PDS5B: variants seen among roughly 807,000 people sequenced by gnomAD.
PDS5B encodes PDS5 cohesin associated factor B.
Under a neutral mutation model 184.1 loss-of-function variants are expected in PDS5B, and 51 were observed. The ratio of observed to expected loss-of-function variants is 0.28; its 90% CI spans 0.22 to 0.35. The LOEUF is 0.35. Ranked by LOEUF, PDS5B falls within the 10% of genes least tolerant of loss-of-function variation. The pLI is 1.00. For synonymous variants in PDS5B, 566 were observed against 569.2 expected (o/e 0.99, Z 0.08); for missense variants, 1,180 against 1,723.3 (o/e 0.68, Z 5.58).
chr13:32,696,577 G>A (rs1332034420), intron 14 of PDS5B, among the ~76,000 whole-genome samples: 9 of 151,364 alleles, frequency 5.9e-5, no homozygotes, highest in Admixed American at 1.3e-4. Flanking sequence ...CCCAAAATAC[G>A]TACCTGTTAC....
chr13:32,701,539 G>GA, intron 17 of PDS5B, 101 bp downstream of exon 17: 2 of 658,302 alleles, frequency 3.0e-6, no homozygotes, highest in Non-Finnish European at 5.4e-6. Flanking sequence ...CTACACATCT[G>GA]TGTGTATTGT....
intron 1 of PDS5B, among the ~76,000 whole-genome samples, chr13:32,608,097 ATGCAGAAATCACCCG>A (rs1414126800): frequency 6.6e-6 from 1 of 152,188 alleles, no homozygotes; most frequent in Non-Finnish European, 1.5e-5. Flanking sequence ...TCAGTTGGAA[ATGCAGAAATCACCCG>A]TGTTCTGCGT....
chr13:32,646,367 GTGTTTTTTTTT>G (rs904210894), intron 1 of PDS5B, among the ~76,000 whole-genome samples: 5 of 34,674 alleles, frequency 1.4e-4, no homozygotes, highest in African/African-American at 5.1e-4. Context: ...TCTCATGGCT[GTGTTTTTTTTT>G]TTTTTTTTTT....
intron 5 of PDS5B, among the ~76,000 whole-genome samples, chr13:32,658,760 G>T (rs1035653842): frequency 6.6e-6 from 1 of 152,044 alleles, no homozygotes; most frequent in Non-Finnish European, 1.5e-5. Flanking sequence ...TTTTTGGATT[G>T]CATTATTTGT....
At chr13:32,729,543 A>G (rs1451080139) in intron 19 of PDS5B, among the ~76,000 whole-genome samples, 1 of 152,202 alleles carries the variant, frequency 6.6e-6, no homozygotes, top group African/African-American at 2.4e-5. Context: ...CAATGGTTGA[A>G]TTAATTTATG....
At chr13:32,592,291 G>T (rs1224070982) in intron 1 of PDS5B, among the ~76,000 whole-genome samples, 1 of 152,050 alleles carries the variant, frequency 6.6e-6, no homozygotes. Context: ...TTTCGCACTT[G>T]TTGCACAGGC....
At chr13:32,635,908 A>G (rs572326025) in intron 1 of PDS5B, among the ~76,000 whole-genome samples, 2 of 151,426 alleles carry the variant, frequency 1.3e-5, no homozygotes, top group South Asian at 4.2e-4. Context: ...AGCTGGGACT[A>G]CAAGTGCCCG....
intron 6 of PDS5B, among the ~76,000 whole-genome samples, chr13:32,662,880 CTATG>C (rs1177070496): frequency 6.6e-6 from 1 of 151,976 alleles, no homozygotes; most frequent in Non-Finnish European, 1.5e-5. Context: ...GAAATGGTGT[CTATG>C]TACAGTTTTA....
At chr13:32,669,697 A>T (rs1269026367) in intron 7 of PDS5B, among the ~76,000 whole-genome samples, 1 of 152,168 alleles carries the variant, frequency 6.6e-6, no homozygotes, top group East Asian at 1.9e-4. Flanking sequence ...TTATGTCTTT[A>T]TCAAAAGCTG....
intron 33 of PDS5B, 68 bp downstream of exon 33, chr13:32,770,829 C>A (rs1954760436): frequency 1.8e-6 from 2 of 1,119,472 alleles, no homozygotes; most frequent in Admixed American, 2.0e-5. Context: ...AATTTGTAAA[C>A]ATACATATTG....
chr13:32,658,189 T>C (rs1201312556), intron 3 of PDS5B, 50 bp from the exon 4 acceptor site: 2 of 841,084 alleles, frequency 2.4e-6, no homozygotes, highest in African/African-American at 3.4e-5. Context: ...CATGGTTATT[T>C]TCATTTAGCG....
At chr13:32,673,924 T>C (rs1951000971) in intron 8 of PDS5B, among the ~76,000 whole-genome samples, 1 of 150,850 alleles carries the variant, frequency 6.6e-6, no homozygotes, top group African/African-American at 2.4e-5. Context: ...CAAGCTACTC[T>C]TCCACCTCAG....
chr13:32,659,244 G>T lies in PDS5B; in HGVS notation c.588G>T (p.Leu196Phe). The T allele has an allele frequency of 6.3e-7, 1 of 1,594,844 alleles. No individual in the cohort carries two copies. The highest frequency in any genetic ancestry group is 1.1e-5 in the South Asian group (1 of 87,378). Residue 196 changes from leucine (L) to phenylalanine (F), a missense_variant, in exon 6 of 35, where the codon TTG becomes TTT. Physicochemically the swap from Leu to Phe is conservative, Grantham distance 22. This residue lies in a region of PDS5B where 79 missense variants were observed against 124.6 expected (regional missense o/e 0.63). Coordinates refer to ENST00000315596, the MANE Select transcript of PDS5B (RefSeq NM_015032.4). ...GTGATACAGTGTCTCAGGAGCTTTT[G>T]GATACGGTTTTAGTAAATCTGGTAC... ...CEGDTVSQEL[L>F]DTVLVNLVPA...
At chr13:32,711,573 G>T (rs191639349) in intron 19 of PDS5B, among the ~76,000 whole-genome samples, 7 of 151,822 alleles carry the variant, frequency 4.6e-5, no homozygotes, top group Admixed American at 3.9e-4. Context: ...GACCAGGCTG[G>T]GCTCCAACTC....
chr13:32,633,211 G>A (rs1163689020), intron 1 of PDS5B, among the ~76,000 whole-genome samples: 1 of 152,108 alleles, frequency 6.6e-6, no homozygotes, highest in Non-Finnish European at 1.5e-5. Flanking sequence ...TCTGTTTTGG[G>A]TGATGAAAAA....
chr13:32,715,999 T>G (rs572778574), intron 19 of PDS5B, among the ~76,000 whole-genome samples: 9 of 152,252 alleles, frequency 5.9e-5, no homozygotes, highest in African/African-American at 2.2e-4. Context: ...GGCGTGATCT[T>G]GGCTCGCTAC....
In PDS5B at chr13:32,683,884, T is replaced by C; in HGVS notation, c.1064T>C (p.Leu355Pro). 6.3e-7 allele frequency: 1 copy of C among 1,590,330 alleles called. No individual in the cohort carries two copies. Among genetic ancestry groups the C allele is most frequent in the Non-Finnish European group, 8.6e-7 (1 of 1,162,970 alleles). Residue 355 changes from leucine (L) to proline (P), a missense_variant, in exon 11 of 35, where the codon CTT becomes CCT. By Grantham distance (98) the Leu-to-Pro change is moderately conservative (BLOSUM62 -3). Around this residue, in one of 11 missense-constraint regions of PDS5B, gnomAD observed 475 missense variants for 691.5 expected, o/e 0.69. Transcript: ENST00000315596. Reference protein sequence around the residue: ...PDLAKDLTEYLKVRSHDPEEA... With the variant: ...PDLAKDLTEYPKVRSHDPEEA... Reference sequence around the variant, plus strand: ...ATAAAATGTTATCTTTCAGAGTATCTTAAAGTGAGGTCACATGACCCTGAG... The same window carrying C: ...ATAAAATGTTATCTTTCAGAGTATCCTAAAGTGAGGTCACATGACCCTGAG...
chr13:32,618,812 G>C (rs909754661), intron 1 of PDS5B, among the ~76,000 whole-genome samples: 2 of 152,078 alleles, frequency 1.3e-5, no homozygotes, highest in Non-Finnish European at 2.9e-5. Context: ...CAGTCCACTG[G>C]GGTTGCTTTT....
intron 1 of PDS5B, among the ~76,000 whole-genome samples, chr13:32,587,102 G>T (rs2057697028): frequency 6.7e-6 from 1 of 148,434 alleles, no homozygotes; most frequent in Admixed American, 6.7e-5. Context: ...TCCTCCCGCG[G>T]GCGGGCTTCT....
Sources: gnomAD v4.1 joint callset for allele counts (sites outside exome capture counted in the v4.1 genomes callset) on GRCh38, gnomAD v4.1.1 for gene constraint, gnomAD v4.1.1 regional missense constraint, MANE v1.5 for transcripts, NCBI Gene and HGNC (gene_info 2026-07-23, HGNC 2026-07-21) for gene names.